The following JAZF1 variants were observed in gnomAD, a reference collection of about 807,000 sequenced individuals.
The protein encoded by JAZF1 is juxtaposed with another zinc finger protein 1.
In JAZF1, 8 loss-of-function variants were observed where a neutral mutation model predicts 26.4. That is an observed-to-expected ratio of 0.30 (90% CI 0.18 to 0.55). JAZF1 has a LOEUF of 0.55. JAZF1 is among the 20% of genes least tolerant of loss of function. The probability of loss-of-function intolerance (pLI) is 0.94; values close to 1 mark genes in which losing one functional copy is unlikely to be tolerated. For missense variants in JAZF1, 199 were observed against 322.0 expected, an observed-to-expected ratio of 0.62 and a Z score of 2.92; for synonymous variants, 126 against 122.3, an observed-to-expected ratio of 1.03 and a Z score of -0.20.
At chr7:28,176,605 C>T (rs184247447) in intron 1 of JAZF1, among the ~76,000 whole-genome samples, 41 of 152,288 alleles carry the variant, frequency 2.7e-4, no homozygotes, top group Non-Finnish European at 5.6e-4. Flanking sequence ...GGCCCCCTAT[C>T]CTAGAATATA....
Position 27,920,267 on chromosome 7 carries a change from C to T in JAZF1, c.189-24851G>A, listed in dbSNP as rs147563160. Among the ~76,000 whole-genome samples, 694 of 152,280 alleles carry T rather than the reference C, an allele frequency of 4.6e-3. 14 individuals are homozygous for T. The highest frequency in any genetic ancestry group is 1.4e-3 in the Non-Finnish European group (95 of 68,040). ...TTATTATAATTGTTAACATAAATAA[C>T]TGCAGTAAATAAGTACAGAGTGATC... On this transcript the variant is annotated intron_variant, in intron 2 of 4. Coordinates refer to ENST00000283928, the MANE Select transcript of JAZF1 (RefSeq NM_175061.4).
intron 1 of JAZF1, among the ~76,000 whole-genome samples, chr7:28,057,291 G>C (rs1175582505): frequency 6.6e-6 from 1 of 152,172 alleles, no homozygotes; most frequent in East Asian, 1.9e-4. Flanking sequence ...ACCTCTATCT[G>C]TATGAGGTTT....
chr7:28,074,019 C>T (rs962275062), intron 1 of JAZF1, among the ~76,000 whole-genome samples: 3 of 150,426 alleles, frequency 2.0e-5, no homozygotes, highest in South Asian at 4.2e-4. Flanking sequence ...TTCCCTTCAA[C>T]GTATTCTATT....
intron 3 of JAZF1, among the ~76,000 whole-genome samples, chr7:27,885,521 G>C (rs1009583792): frequency 6.6e-6 from 1 of 152,140 alleles, no homozygotes; most frequent in Non-Finnish European, 1.5e-5. Context: ...TCCTTTCATT[G>C]TTGAATTGTA....
intron 1 of JAZF1, among the ~76,000 whole-genome samples, chr7:28,019,614 C>T (rs1221725078): frequency 6.6e-6 from 1 of 152,032 alleles, no homozygotes; most frequent in Admixed American, 6.6e-5. Flanking sequence ...ATTTACATGT[C>T]TTTTCCTACC....
chr7:27,922,055 A>G (rs917684390), intron 2 of JAZF1, among the ~76,000 whole-genome samples: 1 of 152,220 alleles, frequency 6.6e-6, no homozygotes, highest in South Asian at 2.1e-4. Flanking sequence ...TAGGGAACTT[A>G]GTATAAATTT....
At chr7:27,971,867 G>A (rs1409139710) in intron 2 of JAZF1, among the ~76,000 whole-genome samples, 1 of 152,164 alleles carries the variant, frequency 6.6e-6, no homozygotes, top group African/African-American at 2.4e-5. Flanking sequence ...ATACAATCAG[G>A]TGTGAAAAGA....
At chr7:28,112,945 A>C (rs1331383433) in intron 1 of JAZF1, among the ~76,000 whole-genome samples, 1 of 152,238 alleles carries the variant, frequency 6.6e-6, no homozygotes, top group Non-Finnish European at 1.5e-5. Context: ...CCCAGAAAAA[A>C]TAGTGAGCCT....
At chr7:27,921,273 A>G (rs902261750) in intron 2 of JAZF1, among the ~76,000 whole-genome samples, 4 of 152,080 alleles carry the variant, frequency 2.6e-5, no homozygotes, top group Non-Finnish European at 5.9e-5. Context: ...GACTGCAACC[A>G]GACTGCCTGC....
intron 3 of JAZF1, among the ~76,000 whole-genome samples, chr7:27,870,918 G>A (rs570172991): frequency 1.4e-4 from 22 of 152,308 alleles, no homozygotes; most frequent in African/African-American, 5.3e-4. Context: ...GGTTCGAATA[G>A]GGAGTGCTTT....
intron 1 of JAZF1, among the ~76,000 whole-genome samples, chr7:28,062,367 G>A (rs554124267): frequency 1.5e-3 from 223 of 152,242 alleles, no homozygotes; most frequent in African/African-American, 5.2e-3. Flanking sequence ...GTGTTTTGAC[G>A]TTTTCTTGCT....
At chr7:28,156,816 G>T (rs1301437993) in intron 1 of JAZF1, among the ~76,000 whole-genome samples, 2 of 152,138 alleles carry the variant, frequency 1.3e-5, no homozygotes, top group African/African-American at 4.8e-5. Context: ...TTTAAATTCA[G>T]ATCCTAGAAC....
At chr7:27,986,978 G>A (rs932642772) in intron 2 of JAZF1, among the ~76,000 whole-genome samples, 3 of 152,188 alleles carry the variant, frequency 2.0e-5, no homozygotes, top group Non-Finnish European at 2.9e-5. Flanking sequence ...CCAGGCTGGA[G>A]TGCAGTGGCG....
At chr7:28,111,016 C>T (rs1007056498) in intron 1 of JAZF1, among the ~76,000 whole-genome samples, 1 of 152,150 alleles carries the variant, frequency 6.6e-6, no homozygotes, top group Admixed American at 6.5e-5. Context: ...GATGGACAAA[C>T]GACCCTGATT....
chr7:27,954,006 G>A (rs1391578414), intron 2 of JAZF1, among the ~76,000 whole-genome samples: 4 of 152,150 alleles, frequency 2.6e-5, no homozygotes, highest in African/African-American at 9.7e-5. Context: ...TTCCCACCCT[G>A]GTGTCCTGCC....
chr7:28,004,849 C>T (rs574666574), intron 1 of JAZF1, among the ~76,000 whole-genome samples: 3 of 152,168 alleles, frequency 2.0e-5, no homozygotes, highest in South Asian at 4.2e-4. Context: ...GATGGGGTTT[C>T]GCCATGTTGG....
chr7:28,173,128 A>G (rs191070000), intron 1 of JAZF1, among the ~76,000 whole-genome samples: 1 of 152,200 alleles, frequency 6.6e-6, no homozygotes, highest in Non-Finnish European at 1.5e-5. Context: ...TATATTCAAA[A>G]ACGGCAAGGA....
At chr7:27,835,407 G>C (rs1462792916) in intron 4 of JAZF1, among the ~76,000 whole-genome samples, 1 of 152,202 alleles carries the variant, frequency 6.6e-6, no homozygotes, top group African/African-American at 2.4e-5. Context: ...GGGGATTCCG[G>C]CAGGCGCTGT....
chr7:27,952,497 A>T (rs1228715762), intron 2 of JAZF1, among the ~76,000 whole-genome samples: 1 of 152,224 alleles, frequency 6.6e-6, no homozygotes, highest in Non-Finnish European at 1.5e-5. Context: ...TAATCCACCA[A>T]TTCTCTCTTA....
Sources: gnomAD v4.1 joint callset for allele counts (sites outside exome capture counted in the v4.1 genomes callset) on GRCh38, gnomAD v4.1.1 for gene constraint, MANE v1.5 for transcripts, NCBI Gene and HGNC (gene_info 2026-07-23, HGNC 2026-07-21) for gene names.